The following DMD variants were observed in gnomAD, a reference collection of about 807,000 sequenced individuals.
The protein encoded by DMD is dystrophin.
A neutral mutation model predicts 330.1 loss-of-function variants in DMD; 63 were observed. That is an observed-to-expected ratio of 0.19 (90% confidence interval 0.16 to 0.24). The LOEUF (loss-of-function observed/expected upper bound fraction) is 0.24, where lower values mean the gene tolerates loss of function less well. Among genes scored for constraint, DMD ranks in the 10% least tolerant of loss-of-function variants. The pLI is 1.00. For synonymous variants in DMD, 1,223 were observed against 959.8 expected (o/e 1.27, Z -5.07); for missense variants, 3,344 against 2,684.1 (o/e 1.25, Z -5.43).
At chrX:31,583,134 A>G (rs2076415695) in intron 55 of DMD, among the ~76,000 whole-genome samples, 1 of 112,542 alleles carries the variant, frequency 8.9e-6, no homozygotes, top group African/African-American at 3.2e-5. Context: ...ATCAGCAGGT[A>G]CCAGTCCTGT....
At chrX:31,150,147 A>G (rs1331119484) in intron 74 of DMD, among the ~76,000 whole-genome samples, 1 of 111,930 alleles carries the variant, frequency 8.9e-6, no homozygotes, top group Non-Finnish European at 1.9e-5. Flanking sequence ...GTGTTGAGAT[A>G]TAATTATGGA....
At chrX:32,322,238 A>C (rs2148666951) in intron 41 of DMD, among the ~76,000 whole-genome samples, 1 of 111,732 alleles carries the variant, frequency 8.9e-6, no homozygotes, top group South Asian at 3.7e-4. Flanking sequence ...TATTAATATT[A>C]ATTGGTTATT....
intron 78 of DMD, among the ~76,000 whole-genome samples, chrX:31,122,926 G>A (rs773276405): frequency 1.8e-5 from 2 of 111,666 alleles, no homozygotes; most frequent in Admixed American, 1.9e-4. Flanking sequence ...GTTTTACATG[G>A]CTAATTTTAA....
chrX:31,886,225 T>C (rs1327351205), intron 47 of DMD, among the ~76,000 whole-genome samples: 1 of 111,355 alleles, frequency 9.0e-6, no homozygotes, highest in Non-Finnish European at 1.9e-5. Context: ...ACACAATTCC[T>C]AACTAAATAC....
chrX:33,139,026 CGG>C (rs1346620980), intron 1 of DMD, among the ~76,000 whole-genome samples: 1 of 111,045 alleles, frequency 9.0e-6, no homozygotes, highest in Admixed American at 9.7e-5. Context: ...AAAACCAGTC[CGG>C]GAGGGCAAAG....
In DMD at chrX:32,318,777, A is replaced by G. The variant is rs751589864; in HGVS notation, c.5923-8501T>C. 3.6e-5 allele frequency among the ~76,000 whole-genome samples: 4 copies of G among 112,042 alleles called. No individual in the cohort carries two copies. The East Asian group carries it at 8.4e-4, about 24-fold the overall frequency. ...TGAAAGAAAATCATCCTTTATGCCC[A>G]TATTATTTATTTTCTAAAGTTAGAA... is the stretch of plus-strand genomic sequence containing the variant. On this transcript the variant is annotated intron_variant, in intron 41 of 78. Coordinates refer to ENST00000357033, the MANE Select transcript of DMD (RefSeq NM_004006.3).
At chrX:31,411,503 T>G (rs1357052544) in intron 60 of DMD, among the ~76,000 whole-genome samples, 1 of 112,178 alleles carries the variant, frequency 8.9e-6, no homozygotes, top group Non-Finnish European at 1.9e-5. Context: ...AGGGTGTACA[T>G]TGTATATATT....
At chrX:31,304,650 G>T in intron 62 of DMD, among the ~76,000 whole-genome samples, 1 of 107,608 alleles carries the variant, frequency 9.3e-6, no homozygotes, top group East Asian at 2.9e-4. Context: ...ACAATAGCTG[G>T]TACAATAGCC....
At chrX:31,906,083 C>T (rs914285984) in intron 47 of DMD, among the ~76,000 whole-genome samples, 48 of 111,294 alleles carry the variant, frequency 4.3e-4, no homozygotes, top group African/African-American at 1.5e-3. Context: ...TCACGGCGGG[C>T]GGTTACCCTC....
intron 45 of DMD, among the ~76,000 whole-genome samples, chrX:31,962,229 G>C (rs2095313151): frequency 9.0e-6 from 1 of 111,519 alleles, no homozygotes; most frequent in Non-Finnish European, 1.9e-5. Context: ...GCAATATTAA[G>C]TGTTATCACC....
At chrX:32,825,027 C>T (rs780187624) in intron 4 of DMD, among the ~76,000 whole-genome samples, 99 of 111,650 alleles carry the variant, frequency 8.9e-4, no homozygotes, top group Non-Finnish European at 1.2e-3. Context: ...TCAACAAGTA[C>T]CTTTTGGCTA....
At chrX:31,311,259 C>T (rs781214464) in intron 62 of DMD, among the ~76,000 whole-genome samples, 9 of 107,498 alleles carry the variant, frequency 8.4e-5, no homozygotes, top group South Asian at 8.3e-4. Context: ...GAATGGGGGG[C>T]GGGGGGTGGT....
chrX:32,443,835 T>C (rs1471285447), intron 27 of DMD, among the ~76,000 whole-genome samples: 1 of 111,315 alleles, frequency 9.0e-6, no homozygotes, highest in Non-Finnish European at 1.9e-5. Context: ...AAAGTACAAA[T>C]AAAAAACTAA....
intron 37 of DMD, among the ~76,000 whole-genome samples, chrX:32,360,397 A>C (rs1281643731): frequency 1.8e-5 from 2 of 111,688 alleles, no homozygotes; most frequent in Non-Finnish European, 3.8e-5. Flanking sequence ...GAGCCCTAAA[A>C]TGGGGTCATT....
chrX:31,193,673 G>A (rs993400659), intron 67 of DMD, among the ~76,000 whole-genome samples: 1 of 111,824 alleles, frequency 8.9e-6, no homozygotes. Context: ...TACAAGGAAA[G>A]TATCTTGTAG....
chrX:32,237,723 G>A (rs746466284), intron 43 of DMD, among the ~76,000 whole-genome samples: 44 of 111,560 alleles, frequency 3.9e-4, no homozygotes, highest in Non-Finnish European at 6.2e-4. Flanking sequence ...AATTTTCCAC[G>A]CATTTTTGAC....
intron 55 of DMD, among the ~76,000 whole-genome samples, chrX:31,578,635 T>G (rs950737906): frequency 9.0e-6 from 1 of 111,559 alleles, no homozygotes; most frequent in Admixed American, 9.5e-5. Context: ...ACAAAGACCA[T>G]CAGAAAGCAA....
At chrX:31,250,751 T>C (rs745885825) in intron 63 of DMD, among the ~76,000 whole-genome samples, 19 of 111,298 alleles carry the variant, frequency 1.7e-4, no homozygotes, top group Non-Finnish European at 3.0e-4. Flanking sequence ...TCAGTTTCAT[T>C]AGCACCACCT....
intron 7 of DMD, among the ~76,000 whole-genome samples, chrX:32,737,779 C>T (rs1285905333): frequency 2.7e-5 from 3 of 111,653 alleles, no homozygotes; most frequent in Non-Finnish European, 5.6e-5. Flanking sequence ...TAATGCGTTA[C>T]ATCAATAGTA....
Sources: gnomAD v4.1 joint callset for allele counts (sites outside exome capture counted in the v4.1 genomes callset) on GRCh38, gnomAD v4.1.1 for gene constraint, MANE v1.5 for transcripts, NCBI Gene and HGNC (gene_info 2026-07-23, HGNC 2026-07-21) for gene names.